The following ARID3B variants were observed in gnomAD, a reference collection of about 807,000 sequenced individuals.
ARID3B encodes the protein AT-rich interactive domain-containing protein 3B.
In ARID3B, 10 loss-of-function variants were observed where a neutral mutation model predicts 51.9. The ratio of observed to expected loss-of-function variants is 0.19; its 90% CI spans 0.12 to 0.33. The LOEUF (loss-of-function observed/expected upper bound fraction) is 0.33, where lower values mean the gene tolerates loss of function less well. Among genes scored for constraint, ARID3B ranks in the 10% least tolerant of loss-of-function variants. The pLI is 1.00. For missense variants in ARID3B, 483 were observed against 716.3 expected (o/e 0.67, Z 3.72); for synonymous variants, 205 against 279.5 (o/e 0.73, Z 2.66).
At chr15:74,588,275 C>T (rs1030455055) in intron 4 of ARID3B, among the ~76,000 whole-genome samples, 3 of 151,836 alleles carry the variant, frequency 2.0e-5, no homozygotes, top group East Asian at 1.9e-4. Context: ...CTGGTCCTGC[C>T]GCAGCAGCCC....
At chr15:74,572,159 A>G (rs982379244) in intron 2 of ARID3B, among the ~76,000 whole-genome samples, 4 of 152,164 alleles carry the variant, frequency 2.6e-5, no homozygotes, top group African/African-American at 9.7e-5. Flanking sequence ...ATAGGAAGCA[A>G]GTTTAAAGAA....
chr15:74,560,580 C>T (rs2061676248), intron 2 of ARID3B, among the ~76,000 whole-genome samples: 1 of 152,100 alleles, frequency 6.6e-6, no homozygotes, highest in Admixed American at 6.6e-5. Context: ...AATAGGTGCT[C>T]ATGAAAATTA....
At chr15:74,544,794 G>A (rs561108289) in intron 2 of ARID3B, among the ~76,000 whole-genome samples, 7 of 150,478 alleles carry the variant, frequency 4.7e-5, no homozygotes, top group African/African-American at 1.7e-4. Context: ...AGGTTCAAGC[G>A]ATTCTCCTGC....
At chr15:74,585,659 C>T (rs555855565) in intron 4 of ARID3B, among the ~76,000 whole-genome samples, 3 of 152,348 alleles carry the variant, frequency 2.0e-5, no homozygotes, top group East Asian at 3.9e-4. Context: ...CCAAATTCCT[C>T]ACTTCACATT....
intron 2 of ARID3B, among the ~76,000 whole-genome samples, chr15:74,564,168 A>G (rs2061689762): frequency 6.6e-6 from 1 of 152,342 alleles, no homozygotes; most frequent in Admixed American, 6.5e-5. Context: ...TCCTGATCTT[A>G]TCAAGAGGGT....
rs1027470057 is a variant in ARID3B, at chr15:74,597,453, C to G, written c.*1679C>G. ...TACCTCAGCCCGGTAAGCTGCAGCT[C>G]TGCTCAACTGCGTCTTCTCTCAGCC... On this transcript the variant is annotated 3_prime_UTR_variant, in exon 9 of 9. Transcript: ENST00000346246. 5 of 506,156 alleles carry G rather than the reference C, an allele frequency of 9.9e-6. No individual in the cohort carries two copies. Among genetic ancestry groups the G allele is most frequent in the African/African-American group, 9.6e-5 (5 of 52,298 alleles). The allele number at this position is 506,156 out of a possible 1,614,324, so 31.4% of individuals were successfully genotyped here.
At chr15:74,578,643 A>C (rs1382098474) in intron 4 of ARID3B, among the ~76,000 whole-genome samples, 1 of 152,184 alleles carries the variant, frequency 6.6e-6, no homozygotes, top group Non-Finnish European at 1.5e-5. Flanking sequence ...AGCTAATATG[A>C]AAGGTAAGCA....
At chr15:74,583,678 C>T (rs1345551052) in intron 4 of ARID3B, among the ~76,000 whole-genome samples, 2 of 151,518 alleles carry the variant, frequency 1.3e-5, no homozygotes, top group Non-Finnish European at 2.9e-5. Context: ...GATCACACTA[C>T]TGCACTCCAA....
intron 5 of ARID3B, among the ~76,000 whole-genome samples, chr15:74,590,322 T>C (rs1403962433): frequency 6.6e-6 from 1 of 152,250 alleles, no homozygotes; most frequent in Admixed American, 6.5e-5. Flanking sequence ...TAAGGTCATA[T>C]ACCAGCCAGT....
chr15:74,589,577 T>TA (rs1482749002), intron 4 of ARID3B, among the ~76,000 whole-genome samples: 4 of 152,130 alleles, frequency 2.6e-5, no homozygotes, highest in Non-Finnish European at 5.9e-5. Context: ...CTGGCCCTCT[T>TA]ATTTACAGAC....
chr15:74,544,200 C>T lies in ARID3B; in HGVS notation c.264C>T (p.Asn88=), dbSNP rs749557835. The T allele has an allele frequency of 6.2e-7, 1 of 1,613,906 alleles. No individual in the cohort carries two copies. The highest frequency in any genetic ancestry group is 1.3e-5 in the African/African-American group (1 of 74,942). ...VAQVFERGNM[N]SEPEEEDGGL... is the part of the protein sequence containing the mutation. The stretch of plus-strand genomic sequence containing the variant: ...AAGTGTTTGAACGGGGCAACATGAA[C>T]TCAGAGCCTGAGGAAGAGGACGGAG... The change falls in exon 2 of 9, where the codon AAC becomes AAT. Residue 88 remains asparagine (N), a synonymous_variant. Coordinates refer to ENST00000346246, the MANE Select transcript of ARID3B (RefSeq NM_006465.4).
intron 4 of ARID3B, among the ~76,000 whole-genome samples, chr15:74,577,319 A>G (rs1417848005): frequency 6.6e-6 from 1 of 151,880 alleles, no homozygotes; most frequent in African/African-American, 2.4e-5. Context: ...TTTAAAAAAA[A>G]AAAAAAGAAG....
rs760780683 is a variant in ARID3B, at chr15:74,543,911, C to T, written c.-26C>T. 9.4e-6 allele frequency: 15 copies of T among 1,590,982 alleles called. No individual in the cohort carries two copies. The highest frequency in any genetic ancestry group is 1.3e-5 in the Non-Finnish European group (15 of 1,168,724). On this transcript the variant is annotated 5_prime_UTR_variant, in exon 2 of 9. Coordinates refer to ENST00000346246, the MANE Select transcript of ARID3B (RefSeq NM_006465.4). ...TGTGCCCAGGTTCAGAGTCATGCCACTCTGTGGGTGAAGCTTGAGGCAAAA... is the reference window on the plus strand; with the variant it reads ...TGTGCCCAGGTTCAGAGTCATGCCATTCTGTGGGTGAAGCTTGAGGCAAAA...
chr15:74,586,813 A>C (rs992399354), intron 4 of ARID3B, among the ~76,000 whole-genome samples: 3 of 152,262 alleles, frequency 2.0e-5, no homozygotes, highest in Non-Finnish European at 2.9e-5. Context: ...TATCGGATGG[A>C]CAGATGTGAA....
chr15:74,575,485 A>G (rs1252489372), intron 4 of ARID3B, among the ~76,000 whole-genome samples: 1 of 152,190 alleles, frequency 6.6e-6, no homozygotes, highest in Non-Finnish European at 1.5e-5. Context: ...CCTGGCTCAG[A>G]TTGCAACATG....
chr15:74,554,038 G>A (rs982821988), intron 2 of ARID3B, among the ~76,000 whole-genome samples: 4 of 151,574 alleles, frequency 2.6e-5, no homozygotes, highest in African/African-American at 9.7e-5. Context: ...ACAGAGTCTC[G>A]CTCTGTCGCT....
At chr15:74,552,270 C>T (rs1046777391) in intron 2 of ARID3B, among the ~76,000 whole-genome samples, 1 of 31,894 alleles carries the variant, frequency 3.1e-5, no homozygotes, top group African/African-American at 1.2e-4. Flanking sequence ...ATTATGTTAG[C>T]CAGGATGGTC....
intron 2 of ARID3B, among the ~76,000 whole-genome samples, chr15:74,546,997 C>A (rs2061618186): frequency 1.3e-5 from 2 of 152,038 alleles, no homozygotes; most frequent in Middle Eastern, 3.4e-3. Context: ...TAATAATATT[C>A]TTGGGGAGAG....
chr15:74,588,679 G>T (rs2061790502), intron 4 of ARID3B, among the ~76,000 whole-genome samples: 1 of 152,114 alleles, frequency 6.6e-6, no homozygotes. Context: ...CTCCTGATGA[G>T]CATCCCAGCC....
Sources: gnomAD v4.1 joint callset for allele counts (sites outside exome capture counted in the v4.1 genomes callset) on GRCh38, gnomAD v4.1.1 for gene constraint, MANE v1.5 for transcripts, NCBI Gene and HGNC (gene_info 2026-07-23, HGNC 2026-07-21) for gene names.